ZKSCAN5: variants seen among roughly 807,000 people sequenced by gnomAD.
The protein encoded by ZKSCAN5 is zinc finger protein with KRAB and SCAN domains 5.
A neutral mutation model predicts 60.0 loss-of-function variants in ZKSCAN5; 28 were observed. The ratio of observed to expected loss-of-function variants is 0.47; its 90% CI spans 0.35 to 0.64. The LOEUF is 0.64. Ranked by LOEUF, ZKSCAN5 falls within the 30% of genes least tolerant of loss-of-function variation. The probability of loss-of-function intolerance (pLI) is 0.01; values close to 1 mark genes in which losing one functional copy is unlikely to be tolerated. For synonymous variants in ZKSCAN5, 361 were observed against 371.2 expected (o/e 0.97, Z 0.31); for missense variants, 881 against 1,034.6 (o/e 0.85, Z 2.04).
chr7:99,519,273 ATTT>A (rs536984886), intron 3 of ZKSCAN5, among the ~76,000 whole-genome samples: 10 of 112,678 alleles, frequency 8.9e-5, no homozygotes, highest in East Asian at 2.7e-4. Flanking sequence ...CACGCCCAGT[ATTT>A]TTTTTTTTTT....
At chr7:99,509,251 A>T (rs1276598141) in intron 2 of ZKSCAN5, among the ~76,000 whole-genome samples, 1 of 152,096 alleles carries the variant, frequency 6.6e-6, no homozygotes, top group African/African-American at 2.4e-5. Flanking sequence ...TGCCTTCCAA[A>T]GTGGTGGGAT....
chr7:99,507,825 G>C (rs1800836940), intron 2 of ZKSCAN5, among the ~76,000 whole-genome samples: 1 of 151,854 alleles, frequency 6.6e-6, no homozygotes, highest in African/African-American at 2.4e-5. Context: ...AGGATCCCTT[G>C]AACCTGGTAG....
rs371090562 is a variant in ZKSCAN5 at position 99,506,111 on chromosome 7, G to A, written c.67G>A (p.Glu23Lys). Residue 23 changes from glutamate (E) to lysine (K), a missense_variant, in exon 2 of 7, where the codon GAA (glutamate) becomes AAA (lysine). Glu to Lys is a moderately conservative substitution (Grantham distance 56). Coordinates refer to ENST00000326775, the MANE Select transcript of ZKSCAN5 (RefSeq NM_145102.4). Reference sequence around the variant, plus strand: ...CCCAGCTGAGACTTCCCAGGAGCAGGAAGACCTTTTCATAGTGAAGGTGGA... The same window carrying A: ...CCCAGCTGAGACTTCCCAGGAGCAGAAAGACCTTTTCATAGTGAAGGTGGA... The part of the protein sequence containing the change: ...DPPAETSQEQ[E>K]DLFIVKVEEE... 367 of 1,614,194 alleles carry A rather than the reference G, an allele frequency of 2.3e-4. 5 individuals are homozygous for A. The South Asian group carries it at 3.8e-3, about 17-fold the overall frequency.
intron 3 of ZKSCAN5, among the ~76,000 whole-genome samples, chr7:99,515,369 G>A (rs1183229344): frequency 6.6e-6 from 1 of 151,442 alleles, no homozygotes; most frequent in South Asian, 2.1e-4. Flanking sequence ...ATTGTGCCAC[G>A]GCACTCCAGC....
At chr7:99,512,874 T>C (rs933930890) in intron 3 of ZKSCAN5, among the ~76,000 whole-genome samples, 3 of 151,886 alleles carry the variant, frequency 2.0e-5, no homozygotes, top group Admixed American at 1.3e-4. Context: ...ATGTGCACAA[T>C]GTGCAGGTTA....
chr7:99,508,994 T>G (rs1800898103), intron 2 of ZKSCAN5, among the ~76,000 whole-genome samples: 1 of 151,848 alleles, frequency 6.6e-6, no homozygotes, highest in Non-Finnish European at 1.5e-5. Flanking sequence ...AGTTTTTTTA[T>G]TTTTATTTTT....
At position 99,506,310 on chromosome 7, in the gene ZKSCAN5, TC is replaced by T; in HGVS notation, c.268del (p.Leu90TrpfsTer10). 6.2e-7 allele frequency: 1 copy of T among 1,614,224 alleles called. No individual in the cohort carries two copies. The highest frequency in any genetic ancestry group is 8.5e-7 in the Non-Finnish European group (1 of 1,180,038). ...CCCGAGCTGCACACGAAGGAGCAGATCCTGGAGCTGCTGGTGCTGGAGCAGT... is the reference window on the plus strand; with the variant it reads ...CCCGAGCTGCACACGAAGGAGCAGATCTGGAGCTGCTGGTGCTGGAGCAGT... ...LRPELHTKEQ[I>X]LELLVLEQFL... On this transcript the variant is annotated frameshift_variant, in exon 2 of 7. Transcript: ENST00000326775. LOFTEE classifies it high-confidence loss of function.
chr7:99,510,882 T>C, intron 2 of ZKSCAN5, among the ~76,000 whole-genome samples: 2 of 152,086 alleles, frequency 1.3e-5, no homozygotes, highest in African/African-American at 4.8e-5. Context: ...GCTGGGACTA[T>C]ATAGATGTAT....
chr7:99,526,014 A>C lies in ZKSCAN5; in HGVS notation c.974A>C (p.Lys325Thr). ...AAATCAAGGCAGAATCCTTCCCAGA[A>C]AAGGGATCTGGATGCAATCACAGAC... ...VGKSRQNPSQ[K>T]RDLDAITDIS... The change falls in exon 6 of 7, where the codon AAA (lysine) becomes ACA (threonine). Residue 325 changes from lysine (K) to threonine (T), a missense_variant. This residue lies in a region of ZKSCAN5 where 490 missense variants were observed against 554.5 expected (regional missense o/e 0.88). Coordinates refer to ENST00000326775, the MANE Select transcript of ZKSCAN5 (RefSeq NM_145102.4). The C allele has an allele frequency of 6.2e-7, 1 of 1,614,158 alleles. No homozygotes were observed. Among genetic ancestry groups the C allele is most frequent in the Non-Finnish European group, 8.5e-7 (1 of 1,180,034 alleles).
At chr7:99,510,415 TTTTG>T (rs751693226) in intron 2 of ZKSCAN5, among the ~76,000 whole-genome samples, 7 of 151,854 alleles carry the variant, frequency 4.6e-5, no homozygotes, top group South Asian at 2.1e-4. Flanking sequence ...GGTTAATGGA[TTTTG>T]TTTATTTTTT....
chr7:99,521,043 G>C (rs1801514681), intron 5 of ZKSCAN5, among the ~76,000 whole-genome samples: 1 of 149,988 alleles, frequency 6.7e-6, no homozygotes, highest in African/African-American at 2.4e-5. Flanking sequence ...TAATTGTACT[G>C]TCTGGAGCAG....
chr7:99,525,027 G>A (rs1213972772), intron 5 of ZKSCAN5, among the ~76,000 whole-genome samples: 9 of 151,982 alleles, frequency 5.9e-5, no homozygotes, highest in African/African-American at 1.9e-4. Context: ...TTAGCTGGGC[G>A]TGGTGATGTG....
Position 99,532,545 on chromosome 7 carries a change from G to T in ZKSCAN5, c.*296G>T. The T allele has an allele frequency of 3.8e-6, 1 of 260,430 alleles. No individual in the cohort carries two copies. The highest frequency in any genetic ancestry group is 7.2e-6 in the Non-Finnish European group (1 of 138,086). The allele number at this position is 260,430 out of a possible 1,614,324, so 16.1% of individuals were successfully genotyped here. On this transcript the variant is annotated 3_prime_UTR_variant, in exon 7 of 7. Coordinates refer to ENST00000326775, the MANE Select transcript of ZKSCAN5 (RefSeq NM_145102.4). ...TCGGAAAGCCTGCAGTTGACATTCA[G>T]TCTTCACTTGAAACTCAAAACTGAC...
chr7:99,522,221 G>A (rs981185464), intron 5 of ZKSCAN5, among the ~76,000 whole-genome samples: 22 of 152,088 alleles, frequency 1.4e-4, no homozygotes, highest in Non-Finnish European at 2.9e-4. Context: ...ATCACCAGAG[G>A]TCAAAATCAA....
intron 3 of ZKSCAN5, among the ~76,000 whole-genome samples, chr7:99,512,891 T>C (rs1000552235): frequency 2.0e-5 from 3 of 151,826 alleles, no homozygotes; most frequent in Non-Finnish European, 4.4e-5. Context: ...GTTAGTTACA[T>C]ATGTATACAT....
At chr7:99,514,446 G>A (rs922030206) in intron 3 of ZKSCAN5, among the ~76,000 whole-genome samples, 1 of 152,106 alleles carries the variant, frequency 6.6e-6, no homozygotes, top group African/African-American at 2.4e-5. Context: ...ATTCTCAACC[G>A]TGTTCAATGA....
At chr7:99,511,503 G>T (rs1475735980) in intron 2 of ZKSCAN5, among the ~76,000 whole-genome samples, 3 of 151,998 alleles carry the variant, frequency 2.0e-5, no homozygotes, top group Non-Finnish European at 4.4e-5. Context: ...GAGTGCAGTG[G>T]TGTGTCATAG....
intron 4 of ZKSCAN5, 59 bp downstream of exon 4, chr7:99,519,968 C>T (rs1801452180): frequency 2.5e-6 from 4 of 1,593,260 alleles, no homozygotes; most frequent in South Asian, 1.1e-5. Context: ...ACCAAGAGTT[C>T]TGTTTCTTTA....
rs1291162454 is a variant in ZKSCAN5 at position 99,531,557 on chromosome 7, T to C, written c.1828T>C (p.Cys610Arg). The change falls in exon 7 of 7, where the codon TGT becomes CGT. Residue 610 changes from cysteine to arginine, a missense_variant. Coordinates refer to ENST00000326775, the MANE Select transcript of ZKSCAN5 (RefSeq NM_145102.4). ...TGEKPYTCPL[C>R]GKAFRVRSHL... ...TGAGAAGCCCTACACCTGTCCCTTA[T>C]GTGGGAAAGCCTTCAGAGTGAGGTC... is the stretch of plus-strand genomic sequence containing the variant. 6 of 1,614,074 alleles carry C rather than the reference T, an allele frequency of 3.7e-6. No homozygotes were observed. The highest frequency in any genetic ancestry group is 1.3e-5 in the African/African-American group (1 of 74,924).
Sources: gnomAD v4.1 joint callset for allele counts (sites outside exome capture counted in the v4.1 genomes callset) on GRCh38, gnomAD v4.1.1 for gene constraint, gnomAD v4.1.1 regional missense constraint, MANE v1.5 for transcripts, NCBI Gene and HGNC (gene_info 2026-07-23, HGNC 2026-07-21) for gene names.